PTPRN2: variants seen among roughly 807,000 people sequenced by gnomAD.
PTPRN2 encodes protein tyrosine phosphatase receptor type N2.
A neutral mutation model predicts 118.8 loss-of-function variants in PTPRN2; 74 were observed. The observed-to-expected ratio is 0.62, with a 90% CI of 0.52 to 0.76. PTPRN2 has a LOEUF of 0.76. Ranked by LOEUF, PTPRN2 falls within the 30% of genes least tolerant of loss-of-function variation. The pLI is 0.00. For synonymous variants in PTPRN2, 641 were observed against 608.0 expected (o/e 1.05, Z -0.80); for missense variants, 1,481 against 1,394.4 (o/e 1.06, Z -0.99).
chr7:158,522,541 G>C (rs1408742928), intron 1 of PTPRN2, among the ~76,000 whole-genome samples: 3 of 152,018 alleles, frequency 2.0e-5, no homozygotes, highest in Non-Finnish European at 2.9e-5. Flanking sequence ...GCATGTGCAG[G>C]GTGTGTTCTG....
intron 19 of PTPRN2, chr7:157,574,269 G>A: frequency 2.2e-6 from 1 of 446,754 alleles, no homozygotes; most frequent in South Asian, 1.7e-5. Context: ...CAAAGCACCA[G>A]CAAGCAAGGT....
rs1483194194 is a variant in PTPRN2 at position 158,489,801 on chromosome 7, G to A, written c.113-16C>T. 6.4e-7 allele frequency: 1 copy of A among 1,565,636 alleles called. No individual in the cohort carries two copies. Among genetic ancestry groups the A allele is most frequent in the East Asian group, 2.4e-5 (1 of 42,318 alleles). ...AGCAGGCAGCCTGCGGGGAAACAGAGAAGAGACGCGGTCAGCTGGAGGGGA... is the reference window on the plus strand; with the variant it reads ...AGCAGGCAGCCTGCGGGGAAACAGAAAAGAGACGCGGTCAGCTGGAGGGGA... On this transcript the variant is annotated splice_polypyrimidine_tract_variant and intron_variant, in intron 1 of 22. Coordinates refer to ENST00000389418, the MANE Select transcript of PTPRN2 (RefSeq NM_002847.5).
chr7:157,653,341 G>A (rs1805802880), intron 14 of PTPRN2, among the ~76,000 whole-genome samples: 1 of 152,200 alleles, frequency 6.6e-6, no homozygotes, highest in African/African-American at 2.4e-5. Flanking sequence ...GAGGTGGCCG[G>A]TTGGGTGTCT....
Position 157,845,287 on chromosome 7 carries a change from T to C in PTPRN2, c.1788+53386A>G, listed in dbSNP as rs559410593. On this transcript the variant is annotated intron_variant, in intron 12 of 22. Transcript: ENST00000389418. This position sits in a 1 kb window ranked among gnomAD's most constrained non-coding sequence, Gnocchi z 4.5. ...CAGATACTCGATGGCCTTTCTGTCCTCCCTGCACCACCCAGAGGACATACA... is the reference window on the plus strand; with the variant it reads ...CAGATACTCGATGGCCTTTCTGTCCCCCCTGCACCACCCAGAGGACATACA... Among the ~76,000 whole-genome samples, 1 of 152,324 alleles carries C rather than the reference T, an allele frequency of 6.6e-6. No homozygotes were observed. Among genetic ancestry groups the C allele is most frequent in the African/African-American group, 2.4e-5 (1 of 41,562 alleles).
chr7:157,736,389 A>T (rs542650290), intron 12 of PTPRN2, among the ~76,000 whole-genome samples: 7 of 152,300 alleles, frequency 4.6e-5, no homozygotes, highest in African/African-American at 1.7e-4. Context: ...TTAAGGTTCA[A>T]TGAGGCCAAA....
At chr7:158,155,484 TCA>T (rs1821632413) in intron 6 of PTPRN2, among the ~76,000 whole-genome samples, 1 of 122,526 alleles carries the variant, frequency 8.2e-6, no homozygotes, top group Non-Finnish European at 1.7e-5. Context: ...ATCACCATCA[TCA>T]TCACCATCAC....
chr7:158,295,659 C>T (rs1483619878), intron 3 of PTPRN2, among the ~76,000 whole-genome samples: 2 of 151,068 alleles, frequency 1.3e-5, no homozygotes, highest in East Asian at 4.0e-4. Flanking sequence ...GCCCGCTGAC[C>T]CTGCCTGTCT....
chr7:158,330,061 ACT>A (rs1350654923), intron 2 of PTPRN2, among the ~76,000 whole-genome samples: 1 of 147,084 alleles, frequency 6.8e-6, no homozygotes, highest in Admixed American at 6.9e-5. Flanking sequence ...TCACACCCAC[ACT>A]CTCACCATAA....
intron 12 of PTPRN2, among the ~76,000 whole-genome samples, chr7:157,688,498 C>A (rs1369762068): frequency 2.2e-4 from 33 of 152,194 alleles, no homozygotes; most frequent in Non-Finnish European, 4.4e-5. Context: ...TTTCATGACA[C>A]CCAAACTCAG....
At chr7:157,706,236 A>G (rs1182700007) in intron 12 of PTPRN2, among the ~76,000 whole-genome samples, 1 of 152,180 alleles carries the variant, frequency 6.6e-6, no homozygotes, top group Admixed American at 6.5e-5. Flanking sequence ...CTTCTGGATT[A>G]GCGGGAACCC....
At chr7:158,138,269 T>C in intron 7 of PTPRN2, 25 bp downstream of exon 7, 1 of 1,598,980 alleles carries the variant, frequency 6.3e-7, no homozygotes, top group Non-Finnish European at 8.5e-7. Flanking sequence ...CCCCTGGGTG[T>C]GGGCACCCAT....
At chr7:158,366,080 C>T (rs1809473091) in intron 2 of PTPRN2, among the ~76,000 whole-genome samples, 1 of 146,354 alleles carries the variant, frequency 6.8e-6, no homozygotes, top group Non-Finnish European at 1.5e-5. Context: ...TGCACACACA[C>T]ACGCACACAC....
Position 158,042,765 on chromosome 7 carries a change from C to T in PTPRN2, c.1723+38533G>A, listed in dbSNP as rs574612446. On this transcript the variant is annotated intron_variant, in intron 11 of 22. Transcript: ENST00000389418. ...TGACAGTGTCTCAGGGCCAGGGTGA[C>T]GAGCATCTGCTGCCCACTGTGCCAG... Among the ~76,000 whole-genome samples the T allele has an allele frequency of 1.2e-4, 19 of 152,284 alleles. No homozygotes were observed. In the East Asian group the frequency reaches 3.1e-3, roughly 25 times the overall value.
rs191407813 is a variant in PTPRN2 at position 158,329,715 on chromosome 7, C to G, written c.164-12783G>C. 8.3e-4 allele frequency among the ~76,000 whole-genome samples: 126 copies of G among 152,278 alleles called. 1 individual carries two copies. The highest frequency in any genetic ancestry group is 2.2e-3 in the Admixed American group (33 of 15,298). On this transcript the variant is annotated intron_variant, in intron 2 of 22. Transcript: ENST00000389418. ...ACACTGCGTATTATTATCCCATTGA[C>G]GCCATGTGGAAATTAAGGCACAGGG...
intron 3 of PTPRN2, among the ~76,000 whole-genome samples, chr7:158,305,584 C>G (rs1021107936): frequency 6.6e-6 from 1 of 152,044 alleles, no homozygotes; most frequent in Non-Finnish European, 1.5e-5. Context: ...CTAGTGATCC[C>G]CAAGGCGATG....
At chr7:157,781,231 A>C (rs1803660947) in intron 12 of PTPRN2, among the ~76,000 whole-genome samples, 1 of 152,146 alleles carries the variant, frequency 6.6e-6, no homozygotes, top group African/African-American at 2.4e-5. Flanking sequence ...TTTTGATTTG[A>C]TATATTACAC....
At chr7:157,567,418 G>A (rs6948834) in intron 21 of PTPRN2, among the ~76,000 whole-genome samples, 3,153 of 152,286 alleles carry the variant, frequency 0.021, 97 homozygotes, top group African/African-American at 0.072. Context: ...GTAGGTGTGG[G>A]GTGTGGGGCT....
At chr7:158,190,610 T>C (rs895500378) in intron 5 of PTPRN2, among the ~76,000 whole-genome samples, 5 of 152,150 alleles carry the variant, frequency 3.3e-5, no homozygotes, top group African/African-American at 4.8e-5. Flanking sequence ...GACCCTGTAC[T>C]TCCACGAGGG....
At chr7:158,320,530 G>A (rs1445245861) in intron 2 of PTPRN2, among the ~76,000 whole-genome samples, 4 of 55,470 alleles carry the variant, frequency 7.2e-5, no homozygotes, top group African/African-American at 2.1e-4. Flanking sequence ...GCCAGGTGGC[G>A]TCCGTGTTCC....
Sources: allele counts gnomAD v4.1 joint callset (sites outside exome capture counted in the v4.1 genomes callset), GRCh38; gene constraint gnomAD v4.1.1; non-coding constraint Gnocchi (gnomAD v3.1); transcripts MANE v1.5; gene names NCBI Gene and HGNC (gene_info 2026-07-23, HGNC 2026-07-21).